Variants in SLC30A6 observed in about 807,000 individuals in gnomAD.
SLC30A6 encodes zinc transporter 6.
A neutral mutation model predicts 63.0 loss-of-function variants in SLC30A6; 55 were observed. The observed-to-expected ratio is 0.87, with a 90% CI of 0.70 to 1.09. The LOEUF (loss-of-function observed/expected upper bound fraction) is 1.09. Ranked by LOEUF, SLC30A6 falls within the 50% of genes least tolerant of loss-of-function variation. The probability of loss-of-function intolerance (pLI) is 0.00; values close to 1 mark genes in which losing one functional copy is unlikely to be tolerated. For synonymous variants in SLC30A6, 224 were observed against 186.1 expected, an observed-to-expected ratio of 1.20 and a Z score of -1.66; for missense variants, 587 against 549.2, an observed-to-expected ratio of 1.07 and a Z score of -0.69.
At chr2:32,171,643 G>A (rs1485027693) in intron 2 of SLC30A6, among the ~76,000 whole-genome samples, 1 of 151,160 alleles carries the variant, frequency 6.6e-6, no homozygotes, top group African/African-American at 2.4e-5. Flanking sequence ...TTGTTATTAA[G>A]TTTTCAAAAA....
chr2:32,220,245 T>A lies in SLC30A6; in HGVS notation c.918T>A (p.Asp306Glu), dbSNP rs368152978. Residue 306 changes from aspartate (D) to glutamate (E), a missense_variant, in exon 14 of 14, where the codon GAT (aspartate) becomes GAA (glutamate). Transcript: ENST00000282587. ...CAGTGCATGTAAGAATTCGACGAGA[T>A]GCCAATGAACAAATGGTTCTTGCTC... is the stretch of plus-strand genomic sequence containing the variant. ...AGSVHVRIRR[D>E]ANEQMVLAHV... 1 of 1,614,116 alleles carries A rather than the reference T, an allele frequency of 6.2e-7. No homozygotes were observed. Among genetic ancestry groups the A allele is most frequent in the African/African-American group, 1.3e-5 (1 of 75,064 alleles).
intron 10 of SLC30A6, chr2:32,203,634 G>A: frequency 6.4e-7 from 1 of 1,573,182 alleles, no homozygotes; most frequent in East Asian, 2.2e-5. Flanking sequence ...ACAGAAAGCT[G>A]AGTAGTAATG....
chr2:32,194,047 G>C (rs1210955611), intron 8 of SLC30A6, 64 bp downstream of exon 8: 5 of 1,326,902 alleles, frequency 3.8e-6, no homozygotes, highest in African/African-American at 1.5e-5. Context: ...CAAGCCTTTT[G>C]TTTGTTTCGT....
At chr2:32,183,479 C>T (rs887224461) in intron 4 of SLC30A6, among the ~76,000 whole-genome samples, 10 of 151,708 alleles carry the variant, frequency 6.6e-5, no homozygotes, top group Admixed American at 6.6e-4. Flanking sequence ...ACCAGGAGTT[C>T]AAGACCAGCC....
At chr2:32,170,732 G>A (rs1681131280) in intron 1 of SLC30A6, among the ~76,000 whole-genome samples, 2 of 152,106 alleles carry the variant, frequency 1.3e-5, no homozygotes, top group African/African-American at 2.4e-5. Flanking sequence ...CTGAGTAGCT[G>A]GTATTACAGG....
chr2:32,203,219 C>G (rs1407765944), intron 10 of SLC30A6: 2 of 1,082,334 alleles, frequency 1.8e-6, no homozygotes, highest in Non-Finnish European at 2.9e-6. Flanking sequence ...AGTCTATATC[C>G]ATCGTTCTGG....
At chr2:32,195,263 T>A (rs1410680603) in intron 8 of SLC30A6, among the ~76,000 whole-genome samples, 2 of 152,162 alleles carry the variant, frequency 1.3e-5, no homozygotes, top group Non-Finnish European at 2.9e-5. Flanking sequence ...AGACGGGGTT[T>A]CCCCATGTTG....
At chr2:32,191,540 T>C (rs897732946) in intron 5 of SLC30A6, among the ~76,000 whole-genome samples, 1 of 152,216 alleles carries the variant, frequency 6.6e-6, no homozygotes, top group Non-Finnish European at 1.5e-5. Flanking sequence ...CTCTGGCTTA[T>C]AGTCTAGGGA....
chr2:32,213,890 G>A (rs1220721948), intron 13 of SLC30A6, among the ~76,000 whole-genome samples: 9 of 138,756 alleles, frequency 6.5e-5, no homozygotes, highest in Non-Finnish European at 1.1e-4. Context: ...TGCAACCTCC[G>A]CCTCCTGAGT....
At chr2:32,182,121 G>A (rs1682379115) in intron 4 of SLC30A6, among the ~76,000 whole-genome samples, 1 of 151,628 alleles carries the variant, frequency 6.6e-6, no homozygotes, top group South Asian at 2.1e-4. Flanking sequence ...TTTTTGTGGT[G>A]ATGGGGTCTC....
At chr2:32,166,061 C>T (rs1368538211) in intron 1 of SLC30A6, among the ~76,000 whole-genome samples, 158 bp downstream of exon 1, 1 of 152,234 alleles carries the variant, frequency 6.6e-6, no homozygotes, top group East Asian at 1.9e-4. Context: ...CAAAATGTTC[C>T]CCTTCAGAGT....
intron 13 of SLC30A6, among the ~76,000 whole-genome samples, chr2:32,210,769 G>A (rs1431779955): frequency 1.3e-5 from 2 of 151,992 alleles, no homozygotes; most frequent in African/African-American, 2.4e-5. Context: ...CTATGCTTTT[G>A]TAGTGGGAAA....
At chr2:32,184,188 A>G in intron 4 of SLC30A6, 85 bp from the exon 5 acceptor site, 2 of 583,630 alleles carry the variant, frequency 3.4e-6, no homozygotes, top group Non-Finnish European at 5.6e-6. Context: ...ATAACTTTCA[A>G]CCACTTAGGA....
intron 11 of SLC30A6, among the ~76,000 whole-genome samples, chr2:32,205,318 G>C (rs1684659507): frequency 6.6e-6 from 1 of 152,152 alleles, no homozygotes; most frequent in South Asian, 2.1e-4. Flanking sequence ...CTACTCGGGA[G>C]ACTGAGGCAG....
chr2:32,207,905 G>A (rs1362875911), intron 12 of SLC30A6, among the ~76,000 whole-genome samples: 1 of 150,746 alleles, frequency 6.6e-6, no homozygotes, highest in African/African-American at 2.4e-5. Flanking sequence ...TCACCATCTC[G>A]ACCAGGCTGG....
chr2:32,186,189 C>G (rs1425891159), intron 5 of SLC30A6, among the ~76,000 whole-genome samples: 1 of 152,154 alleles, frequency 6.6e-6, no homozygotes, highest in Non-Finnish European at 1.5e-5. Flanking sequence ...TGTGCACCAC[C>G]ACACCCAGTT....
intron 10 of SLC30A6, chr2:32,202,748 T>G (rs1684407450): frequency 5.7e-6 from 4 of 703,362 alleles, no homozygotes; most frequent in Non-Finnish European, 1.0e-5. Context: ...AAACTGATTC[T>G]GAAGACAGTC....
intron 10 of SLC30A6, chr2:32,203,072 G>A (rs1209868641): frequency 3.5e-5 from 46 of 1,301,868 alleles, no homozygotes; most frequent in Non-Finnish European, 4.7e-5. Context: ...ACATTGCACA[G>A]TCACAAAGAG....
chr2:32,202,609 G>A (rs1463788308), intron 10 of SLC30A6: 2 of 465,706 alleles, frequency 4.3e-6, no homozygotes, highest in Non-Finnish European at 8.2e-6. Context: ...GGGATTGCAG[G>A]CGTGAACCAC....
Sources: gnomAD v4.1 joint callset for allele counts (sites outside exome capture counted in the v4.1 genomes callset) on GRCh38, gnomAD v4.1.1 for gene constraint, MANE v1.5 for transcripts, NCBI Gene and HGNC (gene_info 2026-07-23, HGNC 2026-07-21) for gene names.